Variants in PDGFD observed in about 807,000 individuals in gnomAD.
PDGFD encodes the protein platelet derived growth factor D, also known as platelet-derived growth factor D.
In PDGFD, 30 loss-of-function variants were observed where a neutral mutation model predicts 44.7. The ratio of observed to expected loss-of-function variants is 0.67; its 90% CI spans 0.50 to 0.91. The LOEUF (loss-of-function observed/expected upper bound fraction) is 0.91. Among genes scored for constraint, PDGFD ranks in the 40% least tolerant of loss-of-function variants. The pLI is 0.00. For missense variants in PDGFD, 445 were observed against 457.8 expected, an observed-to-expected ratio of 0.97 and a Z score of 0.25; for synonymous variants, 173 against 168.4, an observed-to-expected ratio of 1.03 and a Z score of -0.21.
At position 104,037,186 on chromosome 11, in the gene PDGFD, G is replaced by C. The variant is rs1860259914; in HGVS notation, c.125-36931C>G. On this transcript the variant is annotated intron_variant, in intron 1 of 6. Transcript: ENST00000393158. Reference sequence around the variant, plus strand: ...ACAGCAGCAGCAGCGCACACCCGCTGCCCAGCGGTCACAGGGCTTGGCGTC... The same window carrying C: ...ACAGCAGCAGCAGCGCACACCCGCTCCCCAGCGGTCACAGGGCTTGGCGTC... 4 of 1,613,566 alleles carry C rather than the reference G, an allele frequency of 2.5e-6. No individual in the cohort carries two copies. In the African/African-American group the frequency reaches 4.0e-5, roughly 16 times the overall value.
chr11:104,145,929 A>C (rs1319324626), intron 1 of PDGFD, among the ~76,000 whole-genome samples: 3 of 152,232 alleles, frequency 2.0e-5, no homozygotes, highest in Admixed American at 2.0e-4. Flanking sequence ...GTGAAGACAC[A>C]GTAAGATGGC....
chr11:104,079,931 T>C (rs1861019973), intron 1 of PDGFD, among the ~76,000 whole-genome samples: 1 of 152,184 alleles, frequency 6.6e-6, no homozygotes, highest in African/African-American at 2.4e-5. Context: ...CTCTATAAAT[T>C]TATACGTTTT....
At chr11:103,976,193 C>T (rs1331822118) in intron 3 of PDGFD, among the ~76,000 whole-genome samples, 1 of 152,032 alleles carries the variant, frequency 6.6e-6, no homozygotes, top group African/African-American at 2.4e-5. Context: ...TTGTAGTTGT[C>T]CTGGAAGAGG....
At chr11:104,086,057 G>A (rs949384611) in intron 1 of PDGFD, among the ~76,000 whole-genome samples, 4 of 152,160 alleles carry the variant, frequency 2.6e-5, no homozygotes, top group Admixed American at 6.5e-5. Context: ...TTGAAAGATC[G>A]CGCCTCTGAC....
intron 1 of PDGFD, among the ~76,000 whole-genome samples, chr11:104,073,583 T>C (rs1395077803): frequency 6.6e-6 from 1 of 152,192 alleles, no homozygotes; most frequent in South Asian, 2.1e-4. Context: ...TCATACATTT[T>C]CCTGAGATAT....
intron 1 of PDGFD, among the ~76,000 whole-genome samples, chr11:104,151,368 T>A (rs1375868027): frequency 6.6e-6 from 1 of 152,220 alleles, no homozygotes; most frequent in African/African-American, 2.4e-5. Context: ...AAAACAGTTA[T>A]CTGAATTATT....
Position 103,909,770 on chromosome 11 carries a change from G to A in PDGFD, c.1037C>T (p.Thr346Ile). 1 of 1,613,656 alleles carries A rather than the reference G, an allele frequency of 6.2e-7. No individual in the cohort carries two copies. The highest frequency in any genetic ancestry group is 8.5e-7 in the Non-Finnish European group (1 of 1,179,550). ...CAACTGGATGTCAACTAGAGCCATG[G>A]TCTTAGCTCTACCCCTCCTCTTGAT... Reference protein sequence around the residue: ...GHIKRRGRAKTMALVDIQLDH... With the variant: ...GHIKRRGRAKIMALVDIQLDH... The change falls in exon 7 of 7, where the codon ACC (threonine) becomes ATC (isoleucine). Residue 346 changes from threonine to isoleucine, a missense_variant. By Grantham distance (89) the Thr-to-Ile change is moderately conservative. Coordinates refer to ENST00000393158, the MANE Select transcript of PDGFD (RefSeq NM_025208.5).
At chr11:103,958,143 C>T (rs776493697) in intron 3 of PDGFD, among the ~76,000 whole-genome samples, 1 of 151,982 alleles carries the variant, frequency 6.6e-6, no homozygotes, top group Admixed American at 6.6e-5. Flanking sequence ...GAAATACTTT[C>T]CATAAATTAT....
chr11:104,015,272 A>G (rs1392508680), intron 1 of PDGFD, among the ~76,000 whole-genome samples: 1 of 152,238 alleles, frequency 6.6e-6, no homozygotes. Flanking sequence ...TACAAATGAC[A>G]TGCTATGAGA....
chr11:104,079,812 C>T (rs1861018188), intron 1 of PDGFD, among the ~76,000 whole-genome samples: 1 of 151,760 alleles, frequency 6.6e-6, no homozygotes, highest in South Asian at 2.1e-4. Context: ...TATATAAAAC[C>T]ACATCCATGA....
intron 5 of PDGFD, among the ~76,000 whole-genome samples, chr11:103,930,234 G>GCACAGTGCA (rs1314793585): frequency 2.6e-5 from 4 of 152,172 alleles, no homozygotes; most frequent in Non-Finnish European, 2.9e-5. Context: ...GTGGGGTGCT[G>GCACAGTGCA]CACAGTGCAC....
chr11:104,063,208 C>A (rs182308391), intron 1 of PDGFD, among the ~76,000 whole-genome samples: 1 of 151,712 alleles, frequency 6.6e-6, no homozygotes, highest in Non-Finnish European at 1.5e-5. Flanking sequence ...CATACTCAGG[C>A]AATACATACC....
chr11:103,957,086 G>T (rs948696234), intron 3 of PDGFD, among the ~76,000 whole-genome samples: 7 of 151,932 alleles, frequency 4.6e-5, no homozygotes, highest in African/African-American at 7.3e-5. Flanking sequence ...GTCAATTTTG[G>T]CTTTTGTTGC....
At chr11:104,027,798 T>C (rs551943095) in intron 1 of PDGFD, among the ~76,000 whole-genome samples, 2 of 152,358 alleles carry the variant, frequency 1.3e-5, no homozygotes, top group Non-Finnish European at 1.5e-5. Flanking sequence ...CTGTATTTTG[T>C]TGACTCTTTT....
Position 104,103,460 on chromosome 11 carries a change from GTGTATATATA to G in PDGFD, c.124+60334_124+60343del, listed in dbSNP as rs1251266824. Among the ~76,000 whole-genome samples the G allele has an allele frequency of 1.5e-3, 93 of 61,470 alleles. 1 individual carries two copies. Among genetic ancestry groups the G allele is most frequent in the Non-Finnish European group, 2.5e-3 (71 of 28,426 alleles). The allele number at this position is 61,470 out of a possible 152,430, so 40.3% of individuals were successfully genotyped here. ...AAAACAGACAATTATGTGTGTGTGT[GTGTATATATA>G]TATATATATATATATATATATATAT... On this transcript the variant is annotated intron_variant, in intron 1 of 6. Coordinates refer to ENST00000393158, the MANE Select transcript of PDGFD (RefSeq NM_025208.5).
chr11:103,939,657 T>C (rs1431850485), intron 5 of PDGFD, among the ~76,000 whole-genome samples: 1 of 152,140 alleles, frequency 6.6e-6, no homozygotes, highest in East Asian at 1.9e-4. Flanking sequence ...TTATGTAGCT[T>C]ACAGAAAGAA....
chr11:104,042,757 A>G (rs1379364744), intron 1 of PDGFD, among the ~76,000 whole-genome samples: 1 of 152,318 alleles, frequency 6.6e-6, no homozygotes, highest in East Asian at 1.9e-4. Context: ...GTAAGCAACT[A>G]CTTAAATCCA....
At chr11:104,136,506 G>A (rs1862006631) in intron 1 of PDGFD, among the ~76,000 whole-genome samples, 1 of 152,132 alleles carries the variant, frequency 6.6e-6, no homozygotes, top group Non-Finnish European at 1.5e-5. Flanking sequence ...AACTCTTCTG[G>A]GGATTGGGAC....
chr11:103,973,300 G>A (rs373399688), intron 3 of PDGFD, among the ~76,000 whole-genome samples: 3 of 124,682 alleles, frequency 2.4e-5, no homozygotes, highest in African/African-American at 8.6e-5. Flanking sequence ...CACCATGCCC[G>A]GCCAATTTTT....
Sources: gnomAD v4.1 joint callset for allele counts (sites outside exome capture counted in the v4.1 genomes callset) on GRCh38, gnomAD v4.1.1 for gene constraint, MANE v1.5 for transcripts, NCBI Gene and HGNC (gene_info 2026-07-23, HGNC 2026-07-21) for gene names.